GNB1L: variants seen among roughly 807,000 people sequenced by gnomAD.
GNB1L encodes the protein guanine nucleotide-binding protein subunit beta-like protein 1.
Under a neutral mutation model 29.1 loss-of-function variants are expected in GNB1L, and 20 were observed. That is an observed-to-expected ratio of 0.69 (90% CI 0.48 to 1.00). The LOEUF is 1.00. GNB1L is among the 50% of genes least tolerant of loss of function. The pLI, the probability that GNB1L is intolerant of heterozygous loss-of-function variation, is 0.00. For synonymous variants in GNB1L, 193 were observed against 206.5 expected, an observed-to-expected ratio of 0.93 and a Z score of 0.56; for missense variants, 421 against 464.9, an observed-to-expected ratio of 0.91 and a Z score of 0.87.
intron 2 of GNB1L, chr22:19,849,080 A>T: frequency 1.0e-6 from 1 of 985,454 alleles, no homozygotes; most frequent in Non-Finnish European, 1.2e-6. Flanking sequence ...CTGGCACAGA[A>T]GCATGGGGCT....
chr22:19,821,897 C>T (rs73148932), intron 2 of GNB1L, among the ~76,000 whole-genome samples: 3,283 of 152,292 alleles, frequency 0.022, 58 homozygotes, highest in South Asian at 0.036. Flanking sequence ...TTGGCTGAGT[C>T]CCGCCCTCTG....
Position 19,787,006 on chromosome 22 carries a change from G to A in GNB1L, c.*1703C>T, listed in dbSNP as rs1420457370. ...CCGAGCCAGGTGGTCTCCAAGCTTG[G>A]GCCAGGGGCCGCTTTCCCGGCCAGC... On this transcript the variant is annotated 3_prime_UTR_variant, in exon 8 of 8. Coordinates refer to ENST00000329517, the MANE Select transcript of GNB1L (RefSeq NM_053004.3). 6.6e-6 allele frequency: 1 copy of A among 152,300 alleles called. No homozygotes were observed. The highest frequency in any genetic ancestry group is 6.5e-5 in the Admixed American group (1 of 15,284). The allele number at this position is 152,300 out of a possible 1,614,324, so 9.4% of individuals were successfully genotyped here.
intron 2 of GNB1L, chr22:19,851,211 C>T (rs1260661261): frequency 6.3e-7 from 1 of 1,595,064 alleles, no homozygotes; most frequent in Non-Finnish European, 8.5e-7. Flanking sequence ...GTCTCCGGGG[C>T]CTCCACCACC....
At chr22:19,824,676 C>A (rs1298462012) in intron 2 of GNB1L, among the ~76,000 whole-genome samples, 8 of 152,214 alleles carry the variant, frequency 5.3e-5, no homozygotes, top group Admixed American at 2.0e-4. Flanking sequence ...GGGTCCAGAG[C>A]GCTCCTCTGG....
chr22:19,847,819 A>AAAAAAAAAAAAAAAAC, intron 2 of GNB1L: 1 of 943,520 alleles, frequency 1.1e-6, no homozygotes, highest in Non-Finnish European at 1.3e-6. Flanking sequence ...AAAAAAAAAA[A>AAAAAAAAAAAAAAAAC]AAAAAATTCA....
At chr22:19,794,914 G>A (rs1294533626) in intron 7 of GNB1L, among the ~76,000 whole-genome samples, 1 of 152,182 alleles carries the variant, frequency 6.6e-6, no homozygotes, top group Non-Finnish European at 1.5e-5. Context: ...CTGGGAGGCG[G>A]AGGTTGCAGT....
intron 2 of GNB1L, among the ~76,000 whole-genome samples, chr22:19,837,201 C>A (rs1010311064): frequency 2.0e-5 from 3 of 151,676 alleles, no homozygotes; most frequent in Admixed American, 2.0e-4. Context: ...CTCCTGACCT[C>A]GTGATCCACC....
At chr22:19,795,462 C>T (rs1213621091) in intron 7 of GNB1L, among the ~76,000 whole-genome samples, 1 of 152,216 alleles carries the variant, frequency 6.6e-6, no homozygotes, top group African/African-American at 2.4e-5. Context: ...ACACACGCTC[C>T]TTTCAAGTCC....
intron 7 of GNB1L, among the ~76,000 whole-genome samples, chr22:19,800,166 C>T (rs781264610): frequency 8.5e-5 from 13 of 152,216 alleles, no homozygotes; most frequent in Non-Finnish European, 1.3e-4. Flanking sequence ...TTCATCAATC[C>T]GGTCAAGTTC....
At chr22:19,845,800 T>C (rs1318259513) in intron 2 of GNB1L, among the ~76,000 whole-genome samples, 1 of 152,206 alleles carries the variant, frequency 6.6e-6, no homozygotes, top group Non-Finnish European at 1.5e-5. Context: ...GTGTGAACAC[T>C]GCTGGGGCTG....
At chr22:19,828,723 C>T (rs900095023) in intron 2 of GNB1L, among the ~76,000 whole-genome samples, 2 of 151,246 alleles carry the variant, frequency 1.3e-5, no homozygotes, top group African/African-American at 4.8e-5. Context: ...TTTTTAATAT[C>T]TATGCACTAT....
chr22:19,844,967 C>T (rs922197848), intron 2 of GNB1L, among the ~76,000 whole-genome samples: 3 of 152,220 alleles, frequency 2.0e-5, no homozygotes, highest in Non-Finnish European at 4.4e-5. Context: ...GGATGGGGAC[C>T]AATCCCCTGG....
chr22:19,802,238 T>A (rs979748061), intron 6 of GNB1L, 22 bp from the exon 7 acceptor site: 1 of 1,601,986 alleles, frequency 6.2e-7, no homozygotes, highest in Non-Finnish European at 8.5e-7. Context: ...AGCAGAGCAG[T>A]CAGCTCCTGG....
intron 2 of GNB1L, among the ~76,000 whole-genome samples, chr22:19,829,126 C>T (rs1937646126): frequency 6.6e-6 from 1 of 152,180 alleles, no homozygotes; most frequent in Non-Finnish European, 1.5e-5. Flanking sequence ...GCCACCGTGC[C>T]CGGCCATAAC....
intron 2 of GNB1L, chr22:19,847,804 CAAAAAA>C (rs34331843): frequency 3.0e-4 from 184 of 611,964 alleles, no homozygotes; most frequent in East Asian, 9.5e-4. Flanking sequence ...GAATCATAGG[CAAAAAA>C]AAAAAAAAAA....
At chr22:19,847,803 GCAAA>G (rs1403814453) in intron 2 of GNB1L, 3 of 440,434 alleles carry the variant, frequency 6.8e-6, no homozygotes, top group South Asian at 9.3e-5. Context: ...GGAATCATAG[GCAAA>G]AAAAAAAAAA....
rs140018048 is a variant in GNB1L at position 19,799,616 on chromosome 22, G to A, written c.732+2385C>T. ...CGCGTCTCTACTCCCAGCACCCGCC[G>A]GGGGGAGACTGATCTGGGCTCATCA... On this transcript the variant is annotated intron_variant, in intron 7 of 7. Transcript: ENST00000329517. Among the ~76,000 whole-genome samples the A allele has an allele frequency of 2.6e-5, 4 of 152,206 alleles. No homozygotes were observed. In the South Asian group the frequency reaches 6.2e-4, roughly 24 times the overall value.
chr22:19,790,746 A>G (rs1937244584), intron 7 of GNB1L, among the ~76,000 whole-genome samples: 1 of 152,160 alleles, frequency 6.6e-6, no homozygotes, highest in Non-Finnish European at 1.5e-5. Flanking sequence ...AGGTTGGAAG[A>G]TCATTTGAGT....
chr22:19,848,795 T>C lies in GNB1L; in HGVS notation c.-21+5648A>G, dbSNP rs527796318. 2.1e-5 allele frequency: 21 copies of C among 984,922 alleles called. 1 individual carries two copies. The South Asian group carries it at 8.5e-4, about 40-fold the overall frequency. The allele number at this position is 984,922 out of a possible 1,614,324, so 61.0% of individuals were successfully genotyped here. ...GCCCCAAAGCCCCAATAGGACAGGG[T>C]TCAAAAGAGAAGGCAGCAATCCCAG... On this transcript the variant is annotated intron_variant, in intron 2 of 7. Coordinates refer to ENST00000329517, the MANE Select transcript of GNB1L (RefSeq NM_053004.3).
Sources: allele counts gnomAD v4.1 joint callset (sites outside exome capture counted in the v4.1 genomes callset), GRCh38; gene constraint gnomAD v4.1.1; transcripts MANE v1.5; gene names NCBI Gene and HGNC (gene_info 2026-07-23, HGNC 2026-07-21).